The following IFT122 variants were observed in gnomAD, a reference collection of about 807,000 sequenced individuals.
IFT122 encodes the protein intraflagellar transport 122.
A neutral mutation model predicts 161.6 loss-of-function variants in IFT122; 118 were observed. The observed-to-expected ratio is 0.73, with a 90% CI of 0.63 to 0.85. The LOEUF (loss-of-function observed/expected upper bound fraction) is 0.85, where lower values mean the gene tolerates loss of function less well. Among genes scored for constraint, IFT122 ranks in the 40% least tolerant of loss-of-function variants. The probability of loss-of-function intolerance (pLI) is 0.00; values close to 1 mark genes in which losing one functional copy is unlikely to be tolerated. For missense variants in IFT122, 1,381 were observed against 1,579.6 expected (o/e 0.87, Z 2.13); for synonymous variants, 550 against 602.4 (o/e 0.91, Z 1.27).
chr3:129,502,756 C>A lies in IFT122; in HGVS notation c.2421C>A (p.Pro807=). ...AACTGGACAAGGCTGAGCGCGAGCC[C>A]CTGCTGCTGTGCGCTACCTACCTCA... ...ARKLDKAERE[P]LLLCATYLKK... The change falls in exon 20 of 30, where the codon CCC becomes CCA. Residue 807 remains proline (P), a synonymous_variant. Coordinates refer to ENST00000348417, the MANE Select transcript of IFT122 (RefSeq NM_052989.3). The A allele has an allele frequency of 6.2e-7, 1 of 1,611,918 alleles. No homozygotes were observed.
At chr3:129,514,968 T>C (rs1003993706) in intron 25 of IFT122, 3 of 367,562 alleles carry the variant, frequency 8.2e-6, no homozygotes, top group Non-Finnish European at 1.6e-5. Context: ...CCAACCCACA[T>C]TCCTTCAACC....
chr3:129,476,618 A>G (rs753125279), intron 10 of IFT122, 45 bp from the exon 11 acceptor site: 1 of 1,614,156 alleles, frequency 6.2e-7, no homozygotes, highest in South Asian at 1.1e-5. Context: ...GGGAATGCAG[A>G]CTTTCTCCAG....
At chr3:129,494,623 G>T (rs1230285526) in intron 17 of IFT122, among the ~76,000 whole-genome samples, 1 of 152,100 alleles carries the variant, frequency 6.6e-6, no homozygotes, top group Non-Finnish European at 1.5e-5. Context: ...ACAAATACTC[G>T]AGCTGTAGAC....
intron 8 of IFT122, 145 bp downstream of exon 8, chr3:129,467,211 A>G: frequency 1.4e-6 from 1 of 699,982 alleles, no homozygotes; most frequent in Non-Finnish European, 2.5e-6. Flanking sequence ...AAAAAAGGAG[A>G]CATACCCTTA....
rs547025838 is a variant in IFT122, at chr3:129,492,648, A to G, written c.2046+454A>G. ...GAAATGGACCTGGGGAGCAAGGCCCACAGTCTGAACTGAGCGCCCCAGAGT... is the reference window on the plus strand; with the variant it reads ...GAAATGGACCTGGGGAGCAAGGCCCGCAGTCTGAACTGAGCGCCCCAGAGT... On this transcript the variant is annotated intron_variant, in intron 17 of 29. Transcript: ENST00000348417. 1.2e-4 allele frequency among the ~76,000 whole-genome samples: 18 copies of G among 152,106 alleles called. 1 individual carries two copies. In the South Asian group the frequency reaches 2.1e-3, roughly 18 times the overall value.
intron 9 of IFT122, among the ~76,000 whole-genome samples, chr3:129,473,451 C>T (rs999046264): frequency 1.3e-5 from 2 of 152,166 alleles, no homozygotes; most frequent in African/African-American, 2.4e-5. Context: ...CATAAAGACT[C>T]ATATCCATCA....
intron 16 of IFT122, among the ~76,000 whole-genome samples, chr3:129,490,550 C>A (rs1161452869): frequency 1.3e-5 from 2 of 152,216 alleles, no homozygotes; most frequent in African/African-American, 4.8e-5. Flanking sequence ...TATTAATGGG[C>A]AAATCCTAGA....
intron 2 of IFT122, among the ~76,000 whole-genome samples, chr3:129,450,218 A>C (rs2074600714): frequency 6.6e-6 from 1 of 152,158 alleles, no homozygotes; most frequent in Non-Finnish European, 1.5e-5. Context: ...AATGCCTTTG[A>C]AACTGGACTG....
intron 3 of IFT122, among the ~76,000 whole-genome samples, chr3:129,456,523 A>G (rs1211370544): frequency 6.6e-6 from 1 of 152,062 alleles, no homozygotes; most frequent in Non-Finnish European, 1.5e-5. Context: ...TGTAATCCCA[A>G]CTACTTGGGA....
At position 129,517,337 on chromosome 3, in the gene IFT122, C is replaced by T. The variant is rs539884465; in HGVS notation, c.3266-132C>T. ...CCTGCACACACATACAGAGACTGCC[C>T]CTGCTGCCTCTTCTTGCTTTTGGTG... On this transcript the variant is annotated intron_variant, in intron 26 of 29. Coordinates refer to ENST00000348417, the MANE Select transcript of IFT122 (RefSeq NM_052989.3). 63 of 1,107,938 alleles carry T rather than the reference C, an allele frequency of 5.7e-5. No homozygotes were observed. In the African/African-American group the frequency reaches 7.0e-4, roughly 12 times the overall value. 68.6% of individuals were successfully genotyped at this position (1,107,938 alleles called of 1,614,324 possible).
At chr3:129,459,764 C>A (rs1238074664) in intron 4 of IFT122, among the ~76,000 whole-genome samples, 1 of 134,932 alleles carries the variant, frequency 7.4e-6, no homozygotes, top group African/African-American at 3.0e-5. Flanking sequence ...TTCCTTCCTT[C>A]CTTCCTTCCT....
chr3:129,517,657 G>A, intron 27 of IFT122, 63 bp downstream of exon 27: 1 of 1,591,854 alleles, frequency 6.3e-7, no homozygotes, highest in Non-Finnish European at 8.6e-7. Context: ...GGACAGGCGG[G>A]AAGTAGGAGG....
chr3:129,467,930 A>G (rs2076970784), intron 8 of IFT122, among the ~76,000 whole-genome samples: 1 of 152,200 alleles, frequency 6.6e-6, no homozygotes, highest in Non-Finnish European at 1.5e-5. Context: ...TTTGTTTCAT[A>G]AAGAATCCTA....
chr3:129,440,475 G>A (rs535311841), intron 1 of IFT122, 104 bp downstream of exon 1: 887 of 1,385,026 alleles, frequency 6.4e-4, no homozygotes, highest in Non-Finnish European at 8.2e-4. Context: ...TGCTGCCTGG[G>A]CCGAGGGCAC....
chr3:129,467,351 A>G (rs2076918926), intron 8 of IFT122, among the ~76,000 whole-genome samples: 1 of 152,138 alleles, frequency 6.6e-6, no homozygotes, highest in African/African-American at 2.4e-5. Context: ...AATCTAGTGT[A>G]TTTCTCCTCA....
Position 129,466,936 on chromosome 3 carries a change from G to A in IFT122, c.610G>A (p.Asp204Asn). Residue 204 changes from aspartate (D) to asparagine (N), a missense_variant, in exon 8 of 30, where the codon GAT becomes AAT. By Grantham distance (23) the Asp-to-Asn change is conservative. Around this residue, in one of 7 missense-constraint regions of IFT122, gnomAD observed 544 missense variants for 648.0 expected, o/e 0.84. Coordinates refer to ENST00000348417, the MANE Select transcript of IFT122 (RefSeq NM_052989.3). The part of the protein sequence containing the change: ...WMNRENEDAE[D>N]VIVNRYIQEI... ...GAACAGAGAGAATGAGGATGCCGAG[G>A]ATGTCATTGTCAACAGATATATTCA... 6.2e-7 allele frequency: 1 copy of A among 1,614,224 alleles called. No homozygotes were observed. Among genetic ancestry groups the A allele is most frequent in the Non-Finnish European group, 8.5e-7 (1 of 1,180,022 alleles).
At chr3:129,485,736 G>T (rs1338064385) in intron 15 of IFT122, among the ~76,000 whole-genome samples, 1 of 152,252 alleles carries the variant, frequency 6.6e-6, no homozygotes, top group Admixed American at 6.5e-5. Flanking sequence ...AGCCAGAGGG[G>T]CAGCCTGGGG....
rs1255676060 is a variant in IFT122, at chr3:129,504,413, C to T, written c.2642C>T (p.Ala881Val). ...WLAENDRFEE[A>V]QKAFHKAGRQ... ...GCAGAGAACGATCGCTTTGAGGAAG[C>T]CCAGAAAGGTAGGCAACACAGACTG... Residue 881 changes from alanine to valine, a missense_variant, in exon 21 of 30, where the codon GCC becomes GTC. This residue lies in a region of IFT122 where 496 missense variants were observed against 502.5 expected (regional missense o/e 0.99). Coordinates refer to ENST00000348417, the MANE Select transcript of IFT122 (RefSeq NM_052989.3). 2 of 1,613,228 alleles carry T rather than the reference C, an allele frequency of 1.2e-6. No individual in the cohort carries two copies. Among genetic ancestry groups the T allele is most frequent in the Admixed American group, 1.7e-5 (1 of 60,014 alleles).
At chr3:129,463,689 C>G in intron 6 of IFT122, 63 bp downstream of exon 6, 1 of 1,337,160 alleles carries the variant, frequency 7.5e-7, no homozygotes, top group Non-Finnish European at 1.1e-6. Context: ...TCTCAAAATC[C>G]AATTATTTCA....
Sources: allele counts gnomAD v4.1 joint callset (sites outside exome capture counted in the v4.1 genomes callset), GRCh38; gene constraint gnomAD v4.1.1; regional missense constraint gnomAD v4.1.1; transcripts MANE v1.5; gene names NCBI Gene and HGNC (gene_info 2026-07-23, HGNC 2026-07-21).